Variants in ABTB3 observed in about 807,000 individuals in gnomAD.
The protein encoded by ABTB3 is ankyrin repeat and BTB domain containing 3, also known as ankyrin repeat- and BTB/POZ domain-containing protein 3.
the ABTB3 span, among the ~76,000 whole-genome samples, chr12:107,332,052 G>A: frequency 6.6e-6 from 1 of 152,222 alleles, no homozygotes; most frequent in African/African-American, 2.4e-5. Flanking sequence ...GTGGAGCCTC[G>A]AGGGGCAGCT....
chr12:107,476,608 G>A, the ABTB3 span, among the ~76,000 whole-genome samples: 264 of 152,124 alleles, frequency 1.7e-3, no homozygotes, highest in African/African-American at 6.0e-3. Context: ...GACCCTGCAG[G>A]GAAGGGGAGG....
At chr12:107,453,499 C>T in the ABTB3 span, among the ~76,000 whole-genome samples, 1 of 152,126 alleles carries the variant, frequency 6.6e-6, no homozygotes, top group South Asian at 2.1e-4. Context: ...CAACTATGGG[C>T]CAGGAATCGG....
the ABTB3 span, among the ~76,000 whole-genome samples, chr12:107,511,467 C>T: frequency 6.6e-6 from 1 of 152,088 alleles, no homozygotes; most frequent in Non-Finnish European, 1.5e-5. Flanking sequence ...GACTCTCTTA[C>T]ATTTTTAGGA....
chr12:107,320,635 G>T, the ABTB3 span: 6 of 456,124 alleles, frequency 1.3e-5, no homozygotes, highest in Non-Finnish European at 2.2e-5. Flanking sequence ...CAGTCGTAAA[G>T]GTGTGTGTGG....
the ABTB3 span, chr12:107,617,430 G>A: frequency 2.5e-6 from 4 of 1,613,924 alleles, no homozygotes; most frequent in South Asian, 1.1e-5. Context: ...GCAGCCCACG[G>A]ACACAGGTAG....
the ABTB3 span, among the ~76,000 whole-genome samples, chr12:107,404,178 A>AG: frequency 1.9e-4 from 29 of 149,766 alleles, no homozygotes; most frequent in African/African-American, 7.2e-4. Flanking sequence ...AAAAAAAAAA[A>AG]AAAAAAAAAG....
chr12:107,570,421 G>T, the ABTB3 span, among the ~76,000 whole-genome samples: 1 of 152,022 alleles, frequency 6.6e-6, no homozygotes, highest in Non-Finnish European at 1.5e-5. Flanking sequence ...CTCCATGTTG[G>T]CCAGGCTGGT....
the ABTB3 span, chr12:107,618,099 G>T: frequency 1.9e-6 from 3 of 1,545,180 alleles, no homozygotes; most frequent in Non-Finnish European, 2.7e-6. Flanking sequence ...CCCCTGCCCT[G>T]CCCCAGCAGA....
the ABTB3 span, among the ~76,000 whole-genome samples, chr12:107,561,065 G>A: frequency 6.6e-6 from 1 of 152,108 alleles, no homozygotes; most frequent in African/African-American, 2.4e-5. Flanking sequence ...GGAAGAAGGT[G>A]GATGTGTCCC....
At chr12:107,619,981 T>A in the ABTB3 span, 1 of 1,602,076 alleles carries the variant, frequency 6.2e-7, no homozygotes, top group Admixed American at 1.7e-5. Context: ...CTCTCCCCGC[T>A]CCAGGCGTCC....
the ABTB3 span, among the ~76,000 whole-genome samples, chr12:107,510,131 T>C: frequency 6.6e-6 from 1 of 152,158 alleles, no homozygotes; most frequent in African/African-American, 2.4e-5. Flanking sequence ...GCCAGGTCCG[T>C]CCGATGCCCA....
At chr12:107,370,053 G>T in the ABTB3 span, among the ~76,000 whole-genome samples, 22 of 152,282 alleles carry the variant, frequency 1.4e-4, no homozygotes, top group Admixed American at 5.9e-4. Context: ...AGAGTTAAAT[G>T]CTAGAATATA....
the ABTB3 span, among the ~76,000 whole-genome samples, chr12:107,565,478 G>T: frequency 3.4e-4 from 51 of 152,184 alleles, no homozygotes; most frequent in African/African-American, 1.2e-3. Flanking sequence ...ACTCTTTAGG[G>T]GAGAGAAGCA....
At chr12:107,488,460 G>C in the ABTB3 span, among the ~76,000 whole-genome samples, 2 of 152,072 alleles carry the variant, frequency 1.3e-5, no homozygotes, top group African/African-American at 4.8e-5. Flanking sequence ...AAAGGTGTAA[G>C]GAGTGACCAA....
the ABTB3 span, among the ~76,000 whole-genome samples, chr12:107,593,683 T>C: frequency 1.3e-5 from 2 of 152,246 alleles, no homozygotes; most frequent in Non-Finnish European, 2.9e-5. Flanking sequence ...TTGGATAAGA[T>C]AGGAGTTTTA....
chr12:107,631,028 A>T, the ABTB3 span, among the ~76,000 whole-genome samples: 1 of 152,160 alleles, frequency 6.6e-6, no homozygotes, highest in Non-Finnish European at 1.5e-5. Context: ...TTGGGCTTCA[A>T]TTGAATCCAT....
At chr12:107,623,606 A>G in the ABTB3 span, among the ~76,000 whole-genome samples, 12,859 of 151,846 alleles carry the variant, frequency 0.085, 636 homozygotes, top group Middle Eastern at 0.11. Flanking sequence ...ACCTCAGGTG[A>G]TCTACTTGCC....
At chr12:107,550,137 G>A in the ABTB3 span, among the ~76,000 whole-genome samples, 230 of 152,258 alleles carry the variant, frequency 1.5e-3, no homozygotes, top group African/African-American at 5.3e-3. Flanking sequence ...CTTCTGGTGG[G>A]CATTGAAGCC....
At chr12:107,601,434 C>T in the ABTB3 span, among the ~76,000 whole-genome samples, 1 of 137,270 alleles carries the variant, frequency 7.3e-6, no homozygotes, top group East Asian at 2.1e-4. Flanking sequence ...ACAATAAGCA[C>T]GTAATAAAGG....
Sources: gnomAD v4.1 joint callset for allele counts (sites outside exome capture counted in the v4.1 genomes callset) on GRCh38, gnomAD v4.1.1 for gene constraint, MANE v1.5 for transcripts, NCBI Gene and HGNC (gene_info 2026-07-23, HGNC 2026-07-21) for gene names.